Variants in BPNT2 observed in about 807,000 individuals in gnomAD.
The protein encoded by BPNT2 is Golgi-resident adenosine 3',5'-bisphosphate 3'-phosphatase.
A neutral mutation model predicts 29.3 loss-of-function variants in BPNT2; 11 were observed. The ratio of observed to expected loss-of-function variants is 0.38; its 90% CI spans 0.24 to 0.62. The LOEUF (loss-of-function observed/expected upper bound fraction) is 0.62. Ranked by LOEUF, BPNT2 falls within the 20% of genes least tolerant of loss-of-function variation. BPNT2 has a pLI of 0.62. For missense variants in BPNT2, 459 were observed against 473.4 expected (o/e 0.97, Z 0.28); for synonymous variants, 195 against 187.7 (o/e 1.04, Z -0.32).
intron 4 of BPNT2, among the ~76,000 whole-genome samples, chr8:56,965,021 A>G (rs1805915843): frequency 6.6e-6 from 1 of 152,130 alleles, no homozygotes; most frequent in African/African-American, 2.4e-5. Flanking sequence ...TATTAGGCAT[A>G]AAAGTTAAAA....
intron 3 of BPNT2, chr8:56,967,126 T>C (rs753048608): frequency 1.3e-5 from 6 of 456,070 alleles, no homozygotes; most frequent in Non-Finnish European, 2.2e-5. Flanking sequence ...TTATCCCAAT[T>C]AGATTGTTGT....
chr8:56,980,852 A>AC (rs1563409795), intron 1 of BPNT2, among the ~76,000 whole-genome samples: 8 of 140,700 alleles, frequency 5.7e-5, no homozygotes, highest in East Asian at 2.1e-4. Context: ...ACACACACAC[A>AC]AACCCCCCTT....
At chr8:56,976,581 G>A (rs1806143687) in intron 3 of BPNT2, among the ~76,000 whole-genome samples, 2 of 152,166 alleles carry the variant, frequency 1.3e-5, no homozygotes, top group Non-Finnish European at 2.9e-5. Flanking sequence ...AAAAAGGTCA[G>A]ATAGCACAAA....
At position 56,964,001 on chromosome 8, in the gene BPNT2, A is replaced by G; in HGVS notation, c.872T>C (p.Ile291Thr). 6.2e-7 allele frequency: 1 copy of G among 1,611,694 alleles called. No homozygotes were observed. Among genetic ancestry groups the G allele is most frequent in the Non-Finnish European group, 8.5e-7 (1 of 1,178,510 alleles). ...DKSQEKADLY[I>T]HVTYIKKWDI... is the part of the protein sequence containing the mutation. ...CCACTTTTTGATGTATGTCACATGG[A>G]TGTATAAATCAGCTTTTTCTTGACT... is the stretch of plus-strand genomic sequence containing the variant. The change falls in exon 5 of 5, where the codon ATC (isoleucine) becomes ACC (threonine). Residue 291 changes from isoleucine to threonine, a missense_variant. By Grantham distance (89) the Ile-to-Thr change is moderately conservative. Coordinates refer to ENST00000262644, the MANE Select transcript of BPNT2 (RefSeq NM_017813.5).
chr8:56,989,153 A>G (rs567124385), intron 1 of BPNT2, among the ~76,000 whole-genome samples: 1 of 152,108 alleles, frequency 6.6e-6, no homozygotes, highest in Admixed American at 6.5e-5. Flanking sequence ...TTCTCTGACC[A>G]TTATGTCAAT....
intron 3 of BPNT2, among the ~76,000 whole-genome samples, chr8:56,970,371 T>C (rs545213777): frequency 1.3e-5 from 2 of 152,232 alleles, no homozygotes; most frequent in African/African-American, 4.8e-5. Flanking sequence ...TATAAGAGGA[T>C]ATAAAAATAA....
rs759343603 is a variant in BPNT2 at position 56,973,578 on chromosome 8, G to A, written c.646+4472C>T. Among the ~76,000 whole-genome samples, 8 of 152,282 alleles carry A rather than the reference G, an allele frequency of 5.3e-5. 1 individual carries two copies. The South Asian group carries it at 1.0e-3, about 20-fold the overall frequency. ...AGATATTATTTTTAAAAGGTGGGGCGTAGAGGGTTTCAAGATAGGGATCTT... is the reference window on the plus strand; with the variant it reads ...AGATATTATTTTTAAAAGGTGGGGCATAGAGGGTTTCAAGATAGGGATCTT... On this transcript the variant is annotated intron_variant, in intron 3 of 4. Transcript: ENST00000262644.
intron 3 of BPNT2, among the ~76,000 whole-genome samples, chr8:56,968,213 C>T (rs1266642407): frequency 2.6e-5 from 4 of 151,666 alleles, no homozygotes; most frequent in African/African-American, 9.7e-5. Flanking sequence ...GCTCATATAA[C>T]ACAGAAAAGA....
chr8:56,987,998 G>A (rs1389289670), intron 1 of BPNT2, among the ~76,000 whole-genome samples: 1 of 152,038 alleles, frequency 6.6e-6, no homozygotes, highest in Non-Finnish European at 1.5e-5. Flanking sequence ...AAAGTACTGG[G>A]ATTACAGGCA....
At chr8:56,977,406 A>G (rs1412209160) in intron 3 of BPNT2, among the ~76,000 whole-genome samples, 1 of 152,100 alleles carries the variant, frequency 6.6e-6, no homozygotes, top group East Asian at 1.9e-4. Flanking sequence ...CCACCTTCAC[A>G]TCATCTTATC....
At chr8:56,980,512 T>C (rs1342960930) in intron 1 of BPNT2, among the ~76,000 whole-genome samples, 1 of 152,082 alleles carries the variant, frequency 6.6e-6, no homozygotes, top group African/African-American at 2.4e-5. Flanking sequence ...TAACAATGCT[T>C]TATGAAAGAT....
rs995386306 is a variant in BPNT2 at position 56,966,496 on chromosome 8, CTTTT to C, written c.647-148_647-145del. ...TTGTATTTTCCCCCAAAACAGAAAG[CTTTT>C]TTTTTCAGAGTACAAAAGTAGTATA... On this transcript the variant is annotated intron_variant, in intron 3 of 4. Transcript: ENST00000262644. 4.2e-6 allele frequency: 3 copies of C among 713,046 alleles called. No individual in the cohort carries two copies. In the Admixed American group the frequency reaches 7.4e-5, roughly 18 times the overall value. 44.2% of individuals were successfully genotyped at this position (713,046 alleles called of 1,614,324 possible).
At chr8:56,970,151 C>T (rs1806007529) in intron 3 of BPNT2, among the ~76,000 whole-genome samples, 2 of 152,092 alleles carry the variant, frequency 1.3e-5, no homozygotes, top group Non-Finnish European at 2.9e-5. Context: ...CAAAATCTCT[C>T]CAGATTACTT....
At chr8:56,980,472 G>C (rs1418251555) in intron 1 of BPNT2, among the ~76,000 whole-genome samples, 2 of 152,020 alleles carry the variant, frequency 1.3e-5, no homozygotes, top group Non-Finnish European at 2.9e-5. Flanking sequence ...TAGAGAAACT[G>C]AGCATTGAAG....
chr8:56,971,718 A>G (rs538939691), intron 3 of BPNT2, among the ~76,000 whole-genome samples: 1 of 152,066 alleles, frequency 6.6e-6, no homozygotes, highest in Non-Finnish European at 1.5e-5. Flanking sequence ...AGAGAAATGT[A>G]AACAAATGTA....
intron 3 of BPNT2, among the ~76,000 whole-genome samples, chr8:56,973,615 A>G (rs1806072664): frequency 6.6e-6 from 1 of 152,230 alleles, no homozygotes; most frequent in South Asian, 2.1e-4. Context: ...GAGACATTCA[A>G]GAGTGAACAG....
Position 56,993,436 on chromosome 8 carries a change from C to A in BPNT2, c.150G>T (p.Ala50=). The change falls in exon 1 of 5, where the codon GCG becomes GCT. Residue 50 remains alanine (A), a synonymous_variant. Transcript: ENST00000262644. The part of the protein sequence containing the change: ...GLGGEPGGGA[A]GPAAAADGGT... The stretch of plus-strand genomic sequence containing the variant: ...CCCCATCGGCCGCGGCCGCGGGCCC[C>A]GCCGCGCCGCCGCCAGGCTCGCCGC... 1.4e-6 allele frequency: 2 copies of A among 1,478,694 alleles called. No individual in the cohort carries two copies. Among genetic ancestry groups the A allele is most frequent in the East Asian group, 2.8e-5 (1 of 36,150 alleles). The allele number at this position is 1,478,694 out of a possible 1,614,324, so 91.6% of individuals were successfully genotyped here.
At chr8:56,980,855 C>A (rs570399670) in intron 1 of BPNT2, among the ~76,000 whole-genome samples, 3 of 149,580 alleles carry the variant, frequency 2.0e-5, no homozygotes, top group Admixed American at 1.3e-4. Flanking sequence ...CACACACAAA[C>A]CCCCCTTACA....
At position 56,973,865 on chromosome 8, in the gene BPNT2, A is replaced by G. The variant is rs535125621; in HGVS notation, c.646+4185T>C. On this transcript the variant is annotated intron_variant, in intron 3 of 4. Transcript: ENST00000262644. ...TAAGGAAGGATTGGTACCATATAGT[A>G]AAATTTTTAGAGAAATGAAAAGTAA... is the stretch of plus-strand genomic sequence containing the variant. Among the ~76,000 whole-genome samples, 4 of 152,362 alleles carry G rather than the reference A, an allele frequency of 2.6e-5. No homozygotes were observed. The East Asian group carries it at 5.8e-4, about 22-fold the overall frequency.
Sources: allele counts gnomAD v4.1 joint callset (sites outside exome capture counted in the v4.1 genomes callset), GRCh38; gene constraint gnomAD v4.1.1; transcripts MANE v1.5; gene names NCBI Gene and HGNC (gene_info 2026-07-23, HGNC 2026-07-21).